The following NEURL1B variants were observed in gnomAD, a reference collection of about 807,000 sequenced individuals.
NEURL1B encodes the protein neuralized E3 ubiquitin protein ligase 1B.
Under a neutral mutation model 37.4 loss-of-function variants are expected in NEURL1B, and 13 were observed. The observed-to-expected ratio is 0.35, with a 90% CI of 0.23 to 0.55. NEURL1B has a LOEUF of 0.55. Ranked by LOEUF, NEURL1B falls within the 20% of genes least tolerant of loss-of-function variation. The probability of loss-of-function intolerance (pLI) is 0.89; values close to 1 mark genes in which losing one functional copy is unlikely to be tolerated. For synonymous variants in NEURL1B, 432 were observed against 426.6 expected (o/e 1.01, Z -0.16); for missense variants, 790 against 879.2 (o/e 0.90, Z 1.28).
In NEURL1B at chr5:172,686,778, C is replaced by T. The variant is rs1280438376; in HGVS notation, c.1521C>T (p.Phe507=). 41 of 1,551,396 alleles carry T rather than the reference C, an allele frequency of 2.6e-5. No homozygotes were observed. In the African/African-American group the frequency reaches 3.0e-4, roughly 11 times the overall value. ...GIKNGECTVC[F]DGEVDTVIYT... ...AGAATGGCGAGTGCACGGTGTGCTT[C>T]GATGGCGAGGTGGACACGGTCATCT... The change falls in exon 5 of 5, where the codon TTC becomes TTT. Residue 507 remains phenylalanine, a synonymous_variant. Transcript: ENST00000369800. The surrounding 1 kb of genome is among the most constrained non-coding windows in gnomAD (Gnocchi z 7.9).
At chr5:172,677,837 G>GC (rs767497283) in intron 2 of NEURL1B, among the ~76,000 whole-genome samples, 38 of 152,208 alleles carry the variant, frequency 2.5e-4, no homozygotes, top group South Asian at 4.2e-4. Context: ...CCCTCCATCA[G>GC]CCCCCTCACC....
intron 2 of NEURL1B, among the ~76,000 whole-genome samples, chr5:172,674,275 A>G (rs1442764014): frequency 6.6e-6 from 1 of 152,164 alleles, no homozygotes; most frequent in Non-Finnish European, 1.5e-5. Context: ...CCAAAGTCTC[A>G]GAAATAAAAA....
chr5:172,680,451 C>T (rs759372902), intron 2 of NEURL1B, among the ~76,000 whole-genome samples: 3 of 152,104 alleles, frequency 2.0e-5, no homozygotes, highest in African/African-American at 2.4e-5. Flanking sequence ...GTAAGGCCAG[C>T]GCCTTTAGGG....
At chr5:172,644,390 C>T (rs952554894) in intron 1 of NEURL1B, among the ~76,000 whole-genome samples, 9 of 152,220 alleles carry the variant, frequency 5.9e-5, no homozygotes, top group Admixed American at 1.3e-4. Context: ...CTTATTCTGA[C>T]ATGCTGTGGC....
chr5:172,641,509 T>A lies in NEURL1B; in HGVS notation c.31+72T>A. 8.3e-7 allele frequency: 1 copy of A among 1,198,254 alleles called. No homozygotes were observed. Among genetic ancestry groups the A allele is most frequent in the Non-Finnish European group, 1.1e-6 (1 of 951,210 alleles). The allele number at this position is 1,198,254 out of a possible 1,614,324, so 74.2% of individuals were successfully genotyped here. ...CTCCGGGGGACCCGCTGGGTGACTC[T>A]GGAGAGCTACCCCACGGCCCTTGGA... On this transcript the variant is annotated intron_variant, in intron 1 of 4. Coordinates refer to ENST00000369800, the MANE Select transcript of NEURL1B (RefSeq NM_001142651.3). This position sits in a 1 kb window ranked among gnomAD's most constrained non-coding sequence, Gnocchi z 6.4.
At chr5:172,670,413 C>A in intron 2 of NEURL1B, 83 bp downstream of exon 2, 1 of 1,149,692 alleles carries the variant, frequency 8.7e-7, no homozygotes, top group Non-Finnish European at 1.1e-6. Context: ...TAGCCACAGT[C>A]ACTTATGGAG....
At position 172,690,921 on chromosome 5, in the gene NEURL1B, G is replaced by A. The variant is rs1402122487; in HGVS notation, c.*3996G>A. 1 of 152,220 alleles carries A rather than the reference G, an allele frequency of 6.6e-6. No homozygotes were observed. Among genetic ancestry groups the A allele is most frequent in the Non-Finnish European group, 1.5e-5 (1 of 68,068 alleles). The allele number at this position is 152,220 out of a possible 1,614,324, so 9.4% of individuals were successfully genotyped here. On this transcript the variant is annotated 3_prime_UTR_variant, in exon 5 of 5. Transcript: ENST00000369800. ...GTCGCCAAGGCCCAGGAGAACCCCG[G>A]TGAGTCCGTCCAGTTGAGGCAGAGG...
At chr5:172,669,449 A>C (rs558167923) in intron 1 of NEURL1B, among the ~76,000 whole-genome samples, 2 of 151,562 alleles carry the variant, frequency 1.3e-5, no homozygotes, top group African/African-American at 4.8e-5. Context: ...CTGTGGAGGG[A>C]TTTGATGGGG....
At position 172,676,078 on chromosome 5, in the gene NEURL1B, G is replaced by A. The variant is rs916139549; in HGVS notation, c.577+5748G>A. Among the ~76,000 whole-genome samples the A allele has an allele frequency of 2.0e-5, 3 of 151,870 alleles. No individual in the cohort carries two copies. The highest frequency in any genetic ancestry group is 4.2e-4 in the South Asian group (2 of 4,806). On this transcript the variant is annotated intron_variant, in intron 2 of 4. Coordinates refer to ENST00000369800, the MANE Select transcript of NEURL1B (RefSeq NM_001142651.3). This position sits in a 1 kb window ranked among gnomAD's most constrained non-coding sequence, Gnocchi z 4.5. ...ATTGAAAAAGCAATGCCAGTCGGGG[G>A]TCATGGCATAGCAGACCATATTGTC...
At position 172,675,146 on chromosome 5, in the gene NEURL1B, G is replaced by A. The variant is rs1758208912; in HGVS notation, c.577+4816G>A. Among the ~76,000 whole-genome samples the A allele has an allele frequency of 6.6e-6, 1 of 152,162 alleles. No homozygotes were observed. Among genetic ancestry groups the A allele is most frequent in the Admixed American group, 6.5e-5 (1 of 15,278 alleles). On this transcript the variant is annotated intron_variant, in intron 2 of 4. Coordinates refer to ENST00000369800, the MANE Select transcript of NEURL1B (RefSeq NM_001142651.3). This position sits in a 1 kb window ranked among gnomAD's most constrained non-coding sequence, Gnocchi z 4.7. ...CCCGCCTCGGCCTCCAAAAGTGCTG[G>A]GATTACAGGCATGAGCCACCATGCC...
chr5:172,683,522 C>A lies in NEURL1B; in HGVS notation c.681C>A (p.Asn227Lys), dbSNP rs970392993. 12 of 1,500,510 alleles carry A rather than the reference C, an allele frequency of 8.0e-6. No individual in the cohort carries two copies. Among genetic ancestry groups the A allele is most frequent in the Admixed American group, 2.1e-5 (1 of 47,522 alleles). 92.9% of individuals were successfully genotyped at this position (1,500,510 alleles called of 1,614,324 possible). The change falls in exon 3 of 5, where the codon AAC (asparagine) becomes AAA (lysine). Residue 227 changes from asparagine (N) to lysine (K), a missense_variant. Transcript: ENST00000369800. The surrounding 1 kb of genome is among the most constrained non-coding windows in gnomAD (Gnocchi z 5.6). Reference protein sequence around the residue: ...SSHDAANFDNNELENNQVVAK... With the variant: ...SSHDAANFDNKELENNQVVAK... ...ACGACGCGGCCAACTTCGACAACAA[C>A]GAGCTCGAGAACAACCAGGTGGTGG...
chr5:172,654,195 A>G (rs568146690), intron 1 of NEURL1B, among the ~76,000 whole-genome samples: 1 of 152,368 alleles, frequency 6.6e-6, no homozygotes, highest in South Asian at 2.1e-4. Context: ...AACCTTGTTC[A>G]TTCCAAATTA....
intron 2 of NEURL1B, among the ~76,000 whole-genome samples, chr5:172,682,939 A>G (rs1444272913): frequency 2.0e-5 from 3 of 152,202 alleles, no homozygotes; most frequent in Non-Finnish European, 4.4e-5. Flanking sequence ...AAATTAAATG[A>G]GGTAGCGCGC....
chr5:172,668,862 G>A (rs1758065031), intron 1 of NEURL1B, among the ~76,000 whole-genome samples: 1 of 152,172 alleles, frequency 6.6e-6, no homozygotes, highest in Admixed American at 6.5e-5. Flanking sequence ...CTGGCTTTGT[G>A]ATCAGATCCT....
chr5:172,683,914 AC>A lies in NEURL1B; in HGVS notation c.1076del (p.Pro359GlnfsTer101). On this transcript the variant is annotated frameshift_variant, in exon 3 of 5. Transcript: ENST00000369800. LOFTEE classifies it high-confidence loss of function. The surrounding 1 kb of genome is among the most constrained non-coding windows in gnomAD (Gnocchi z 5.6). ...GVLRPNELPA[D>X]PDALLDRKEY... ...CTACGGCCCAACGAGCTGCCCGCCG[AC>A]CCAGACGCGCTGCTCGACCGCAAAG... 2.1e-6 allele frequency: 3 copies of A among 1,410,352 alleles called. No individual in the cohort carries two copies. Among genetic ancestry groups the A allele is most frequent in the Non-Finnish European group, 9.3e-7 (1 of 1,076,952 alleles). 87.4% of individuals were successfully genotyped at this position (1,410,352 alleles called of 1,614,324 possible). A position where few individuals can be genotyped will look rare whatever the true frequency, so the allele number is the denominator to read the frequency against.
rs1758327949 is a variant in NEURL1B at position 172,680,457 on chromosome 5, T to C, written c.578-2962T>C. The stretch of plus-strand genomic sequence containing the variant: ...GCAGGGCAAGTAAGGCCAGCGCCTT[T>C]AGGGGCGGGCGACTGTGAGTGGGGC... On this transcript the variant is annotated intron_variant, in intron 2 of 4. Coordinates refer to ENST00000369800, the MANE Select transcript of NEURL1B (RefSeq NM_001142651.3). 2.0e-5 allele frequency among the ~76,000 whole-genome samples: 3 copies of C among 152,158 alleles called. No individual in the cohort carries two copies. In the South Asian group the frequency reaches 6.2e-4, roughly 32 times the overall value.
At chr5:172,650,270 C>T (rs1053946901) in intron 1 of NEURL1B, among the ~76,000 whole-genome samples, 3 of 152,178 alleles carry the variant, frequency 2.0e-5, no homozygotes, top group African/African-American at 7.2e-5. Flanking sequence ...AAAAGCTTCC[C>T]TTCCCTTAAA....
At position 172,686,188 on chromosome 5, in the gene NEURL1B, C is replaced by G; in HGVS notation, c.1315C>G (p.Pro439Ala). ...GGCCTCAGGTACCCTGCAGTCCAGC[C>G]CTGCGACCACGACTCCATCAGGGTC... ...LRLLGTLQSS[P>A]ATTTPSGSLS... The change falls in exon 4 of 5, where the codon CCT becomes GCT. Residue 439 changes from proline to alanine, a missense_variant. Pro to Ala is a conservative substitution (Grantham distance 27). This residue lies in a region of NEURL1B where 460 missense variants were observed against 407.4 expected (regional missense o/e 1.13). Coordinates refer to ENST00000369800, the MANE Select transcript of NEURL1B (RefSeq NM_001142651.3). This position sits in a 1 kb window ranked among gnomAD's most constrained non-coding sequence, Gnocchi z 7.9. 6.4e-7 allele frequency: 1 copy of G among 1,551,668 alleles called. No individual in the cohort carries two copies. Among genetic ancestry groups the G allele is most frequent in the Non-Finnish European group, 8.7e-7 (1 of 1,146,978 alleles).
At chr5:172,643,670 G>A (rs1478520373) in intron 1 of NEURL1B, among the ~76,000 whole-genome samples, 2 of 152,170 alleles carry the variant, frequency 1.3e-5, no homozygotes, top group African/African-American at 4.8e-5. Flanking sequence ...AAAACTGGTG[G>A]TGGAGCTCGA....
Sources: allele counts gnomAD v4.1 joint callset (sites outside exome capture counted in the v4.1 genomes callset), GRCh38; gene constraint gnomAD v4.1.1; regional missense constraint gnomAD v4.1.1; non-coding constraint Gnocchi (gnomAD v3.1); transcripts MANE v1.5; gene names NCBI Gene and HGNC (gene_info 2026-07-23, HGNC 2026-07-21).